B3GLCT: variants seen among roughly 807,000 people sequenced by gnomAD.
The protein encoded by B3GLCT is beta 3-glucosyltransferase.
In B3GLCT, 65 loss-of-function variants were observed where a neutral mutation model predicts 63.4. That is an observed-to-expected ratio of 1.03 (90% CI 0.84 to 1.26). The LOEUF (loss-of-function observed/expected upper bound fraction) is 1.26. Among genes scored for constraint, B3GLCT ranks in the 50% most tolerant of loss-of-function variants. The pLI is 0.00. For missense variants in B3GLCT, 577 were observed against 604.8 expected, an observed-to-expected ratio of 0.95 and a Z score of 0.48; for synonymous variants, 233 against 219.2, an observed-to-expected ratio of 1.06 and a Z score of -0.55.
chr13:31,328,919 C>A (rs190242555), intron 14 of B3GLCT, among the ~76,000 whole-genome samples: 3 of 152,024 alleles, frequency 2.0e-5, no homozygotes, highest in Admixed American at 6.6e-5. Context: ...CAAACTATTT[C>A]GGGTTACTTG....
At chr13:31,279,062 A>G (rs1025884895) in intron 10 of B3GLCT, among the ~76,000 whole-genome samples, 1 of 152,152 alleles carries the variant, frequency 6.6e-6, no homozygotes, top group African/African-American at 2.4e-5. Flanking sequence ...CATACTTGAT[A>G]AATAGTCTTT....
chr13:31,286,009 T>C (rs931653785), intron 11 of B3GLCT, among the ~76,000 whole-genome samples: 9 of 152,176 alleles, frequency 5.9e-5, no homozygotes, highest in Non-Finnish European at 1.0e-4. Context: ...GGTTTAATAG[T>C]CATTAATATA....
rs1874501006 is a variant in B3GLCT, at chr13:31,308,347, T to TAAAAAAAAACAAAA, written c.1065-9210_1065-9209insCAAAAAAAAAAAAA. On this transcript the variant is annotated intron_variant, in intron 12 of 14. Coordinates refer to ENST00000343307, the MANE Select transcript of B3GLCT (RefSeq NM_194318.4). ...TAGAGTATAATAAAAAAAAAAAAATTAAAAAAAAAAAAACAAAAAAAAAAG... is the reference window on the plus strand; with the variant it reads ...TAGAGTATAATAAAAAAAAAAAAATTAAAAAAAAACAAAAAAAAAAAAAAAAACAAAAAAAAAAG... Among the ~76,000 whole-genome samples the TAAAAAAAAACAAAA allele has an allele frequency of 2.4e-3, 56 of 23,688 alleles. 1 individual carries two copies. In the Admixed American group the frequency reaches 0.029, roughly 12 times the overall value. The allele number at this position is 23,688 out of a possible 152,430, so 15.5% of individuals were successfully genotyped here.
At chr13:31,262,322 A>G (rs1451013836) in intron 7 of B3GLCT, among the ~76,000 whole-genome samples, 1 of 152,204 alleles carries the variant, frequency 6.6e-6, no homozygotes, top group Non-Finnish European at 1.5e-5. Flanking sequence ...GTTTGTTTCC[A>G]GTTAAGATCT....
intron 7 of B3GLCT, among the ~76,000 whole-genome samples, chr13:31,266,457 G>T (rs927824849): frequency 6.6e-6 from 1 of 152,178 alleles, no homozygotes; most frequent in Admixed American, 6.5e-5. Flanking sequence ...GGTATTGTTG[G>T]TTACTGAAAC....
intron 12 of B3GLCT, among the ~76,000 whole-genome samples, chr13:31,314,447 T>C (rs1874886786): frequency 6.6e-6 from 1 of 152,142 alleles, no homozygotes; most frequent in Non-Finnish European, 1.5e-5. Flanking sequence ...AGACATGGAG[T>C]CAAAGGAGAT....
intron 10 of B3GLCT, 123 bp downstream of exon 10, chr13:31,276,894 G>A: frequency 6.5e-6 from 5 of 771,028 alleles, no homozygotes; most frequent in Non-Finnish European, 1.1e-5. Flanking sequence ...ATGTTGAAGT[G>A]AAAGCAGTTA....
At chr13:31,313,526 C>T (rs192952149) in intron 12 of B3GLCT, among the ~76,000 whole-genome samples, 19 of 152,146 alleles carry the variant, frequency 1.2e-4, no homozygotes, top group Admixed American at 6.5e-4. Context: ...ACTTTCAACT[C>T]GAGAGAGATG....
Position 31,247,946 on chromosome 13 carries a change from A to G in B3GLCT, c.439A>G (p.Arg147Gly). ...GATTCCAAAACTCTTGGAAACCCTC[A>G]GAAGATATGACCCCTCTAAGGTGAA... The part of the protein sequence containing the change: ...IQIPKLLETL[R>G]RYDPSKEWFL... The change falls in exon 6 of 15, where the codon AGA (arginine) becomes GGA (glycine). Residue 147 changes from arginine (R) to glycine (G), a missense_variant. By Grantham distance (125) the Arg-to-Gly change is moderately radical. Transcript: ENST00000343307. 6.3e-7 allele frequency: 1 copy of G among 1,598,086 alleles called. No individual in the cohort carries two copies. The highest frequency in any genetic ancestry group is 1.3e-5 in the African/African-American group (1 of 74,680).
chr13:31,298,457 C>T (rs1175182848), intron 12 of B3GLCT, among the ~76,000 whole-genome samples: 2 of 152,220 alleles, frequency 1.3e-5, no homozygotes, highest in South Asian at 2.1e-4. Flanking sequence ...AAAGCTGGAG[C>T]GGTCTTGGCA....
chr13:31,291,697 C>T (rs980277023), intron 12 of B3GLCT, among the ~76,000 whole-genome samples: 1 of 152,190 alleles, frequency 6.6e-6, no homozygotes, highest in East Asian at 1.9e-4. Flanking sequence ...AGTTGCTTAT[C>T]AGCTTAAGGA....
At chr13:31,317,741 A>T (rs1875124002) in intron 13 of B3GLCT, 56 bp downstream of exon 13, 1 of 1,609,202 alleles carries the variant, frequency 6.2e-7, no homozygotes, top group East Asian at 2.2e-5. Context: ...CCCTTTCCAC[A>T]CGAGAGGTAG....
At chr13:31,234,174 C>T (rs1376823365) in intron 4 of B3GLCT, among the ~76,000 whole-genome samples, 1 of 152,082 alleles carries the variant, frequency 6.6e-6, no homozygotes, top group African/African-American at 2.4e-5. Flanking sequence ...CCCGCCACCA[C>T]ACCTGGCTAA....
chr13:31,259,337 T>C (rs992194194), intron 6 of B3GLCT, among the ~76,000 whole-genome samples: 1 of 151,910 alleles, frequency 6.6e-6, no homozygotes, highest in Admixed American at 6.6e-5. Flanking sequence ...TTAAGAAGGC[T>C]ATGGATGATA....
chr13:31,217,214 T>C (rs1869606041), intron 2 of B3GLCT, among the ~76,000 whole-genome samples: 1 of 152,252 alleles, frequency 6.6e-6, no homozygotes, highest in Admixed American at 6.5e-5. Context: ...TGAGCATTTT[T>C]TTCATATGCT....
chr13:31,284,403 G>T (rs569006834), intron 10 of B3GLCT, among the ~76,000 whole-genome samples: 25 of 152,212 alleles, frequency 1.6e-4, no homozygotes, highest in Non-Finnish European at 2.5e-4. Flanking sequence ...TTATATGGAA[G>T]TAAGTGCATT....
chr13:31,246,941 CTTTTCTTTTCT>C, intron 4 of B3GLCT, 71 bp from the exon 5 acceptor site: 8 of 1,007,196 alleles, frequency 7.9e-6, no homozygotes, highest in Admixed American at 2.7e-5. Flanking sequence ...TTTTTCTTTT[CTTTTCTTTTCT>C]TTTTTTTTTT....
At position 31,296,986 on chromosome 13, in the gene B3GLCT, A is replaced by G. The variant is rs73174622; in HGVS notation, c.1064+10167A>G. Among the ~76,000 whole-genome samples the G allele has an allele frequency of 5.1e-3, 756 of 148,134 alleles. 2 individuals carry two copies. The highest frequency in any genetic ancestry group is 0.011 in the Middle Eastern group (3 of 282). ...ATTTTCTGCCTCTATGATTTTGACT[A>G]CTCTCAGTACCTCATATAAATGGAA... is the stretch of plus-strand genomic sequence containing the variant. On this transcript the variant is annotated intron_variant, in intron 12 of 14. Coordinates refer to ENST00000343307, the MANE Select transcript of B3GLCT (RefSeq NM_194318.4).
chr13:31,225,199 C>T (rs1870036647), intron 3 of B3GLCT, among the ~76,000 whole-genome samples: 3 of 152,322 alleles, frequency 2.0e-5, no homozygotes, highest in Admixed American at 6.5e-5. Context: ...GAAACAATGA[C>T]AATCCATCTT....
Sources: gnomAD v4.1 joint callset for allele counts (sites outside exome capture counted in the v4.1 genomes callset) on GRCh38, gnomAD v4.1.1 for gene constraint, MANE v1.5 for transcripts, NCBI Gene and HGNC (gene_info 2026-07-23, HGNC 2026-07-21) for gene names.